REDIC1: variants seen among roughly 807,000 people sequenced by gnomAD.
REDIC1 encodes the protein regulator of DNA class I crossover intermediates 1.
chr12:39,826,854 A>ATTTTTTTTTTTTTTTTTTTT, the REDIC1 span, among the ~76,000 whole-genome samples: 22 of 67,386 alleles, frequency 3.3e-4, 1 homozygote, highest in East Asian at 6.1e-4. Flanking sequence ...GTCTCTTTCA[A>ATTTTTTTTTTTTTTTTTTTT]TTTTTTTTTT....
At chr12:39,802,042 A>G in the REDIC1 span, among the ~76,000 whole-genome samples, 12 of 152,296 alleles carry the variant, frequency 7.9e-5, no homozygotes, top group Non-Finnish European at 1.8e-4. Flanking sequence ...TCATGATGAA[A>G]AAACTACAAA....
the REDIC1 span, among the ~76,000 whole-genome samples, chr12:39,896,275 T>TGTAC: frequency 8.4e-6 from 1 of 118,510 alleles, no homozygotes; most frequent in Admixed American, 8.4e-5. Context: ...TGTATATATG[T>TGTAC]ATACATGTAT....
the REDIC1 span, among the ~76,000 whole-genome samples, chr12:39,767,837 T>C: frequency 6.6e-6 from 1 of 152,062 alleles, no homozygotes; most frequent in Non-Finnish European, 1.5e-5. Flanking sequence ...TTCCCCTTTT[T>C]ACTTGGCACT....
the REDIC1 span, among the ~76,000 whole-genome samples, chr12:39,653,328 G>A: frequency 6.6e-6 from 1 of 151,456 alleles, no homozygotes; most frequent in African/African-American, 2.4e-5. Flanking sequence ...ATTATTCCTC[G>A]GTAGTGTATA....
chr12:39,712,577 A>T, the REDIC1 span, among the ~76,000 whole-genome samples: 5 of 144,614 alleles, frequency 3.5e-5, no homozygotes, highest in Non-Finnish European at 7.6e-5. Context: ...GTATATACGT[A>T]TATATGTATA....
chr12:39,846,153 C>G, the REDIC1 span, among the ~76,000 whole-genome samples: 1 of 152,114 alleles, frequency 6.6e-6, no homozygotes, highest in Non-Finnish European at 1.5e-5. Flanking sequence ...TGCTCACATT[C>G]AGAACCATAT....
the REDIC1 span, among the ~76,000 whole-genome samples, chr12:39,901,657 A>C: frequency 4.0e-4 from 51 of 126,852 alleles, no homozygotes; most frequent in African/African-American, 1.6e-3. Context: ...ATCTCACACC[A>C]GTTAGAATGG....
At chr12:39,711,510 T>C in the REDIC1 span, among the ~76,000 whole-genome samples, 1 of 138,982 alleles carries the variant, frequency 7.2e-6, no homozygotes, top group East Asian at 2.1e-4. Context: ...TGTATATATG[T>C]GTATATATGT....
At chr12:39,753,545 T>C in the REDIC1 span, among the ~76,000 whole-genome samples, 1 of 152,188 alleles carries the variant, frequency 6.6e-6, no homozygotes, top group African/African-American at 2.4e-5. Context: ...GACATCAGGC[T>C]AGTCAGCCAG....
the REDIC1 span, among the ~76,000 whole-genome samples, chr12:39,802,786 T>C: frequency 2.0e-5 from 3 of 152,214 alleles, no homozygotes; most frequent in Non-Finnish European, 4.4e-5. Flanking sequence ...GATATGGATA[T>C]GTAACTATAT....
At chr12:39,664,772 C>A in the REDIC1 span, among the ~76,000 whole-genome samples, 1 of 152,176 alleles carries the variant, frequency 6.6e-6, no homozygotes, top group Non-Finnish European at 1.5e-5. Flanking sequence ...GCCATTCTAA[C>A]TGGTGTGAGA....
At chr12:39,705,352 G>T in the REDIC1 span, among the ~76,000 whole-genome samples, 33 of 152,026 alleles carry the variant, frequency 2.2e-4, no homozygotes, top group African/African-American at 7.7e-4. Context: ...CCTGGGACTT[G>T]AAGGCTTCAC....
the REDIC1 span, among the ~76,000 whole-genome samples, chr12:39,659,359 A>G: frequency 6.6e-6 from 1 of 151,986 alleles, no homozygotes; most frequent in African/African-American, 2.4e-5. Flanking sequence ...ATTTTTATCC[A>G]TTATTTCTTC....
At chr12:39,826,684 T>G in the REDIC1 span, among the ~76,000 whole-genome samples, 7,584 of 151,404 alleles carry the variant, frequency 0.05, 585 homozygotes, top group African/African-American at 0.17. Flanking sequence ...TCCTATGTCA[T>G]TTCTCTAAAA....
the REDIC1 span, among the ~76,000 whole-genome samples, chr12:39,771,026 A>G: frequency 6.6e-6 from 1 of 152,176 alleles, no homozygotes; most frequent in Admixed American, 6.5e-5. Flanking sequence ...TGCTTATGTT[A>G]GAGAACGTAC....
chr12:39,877,791 T>C, the REDIC1 span, among the ~76,000 whole-genome samples: 1 of 152,212 alleles, frequency 6.6e-6, no homozygotes, highest in Non-Finnish European at 1.5e-5. Context: ...TTTGAATTTC[T>C]TCTCAAAAAA....
chr12:39,740,588 A>G, the REDIC1 span, among the ~76,000 whole-genome samples: 46 of 148,162 alleles, frequency 3.1e-4, 1 homozygote, highest in Admixed American at 2.0e-3. Flanking sequence ...TCTTGGGATC[A>G]CTTGCAAGGA....
the REDIC1 span, chr12:39,683,505 G>A: frequency 6.6e-7 from 1 of 1,519,100 alleles, no homozygotes. Flanking sequence ...AGGTAAATCT[G>A]GGGAATACAA....
At chr12:39,899,409 T>C in the REDIC1 span, among the ~76,000 whole-genome samples, 1 of 152,202 alleles carries the variant, frequency 6.6e-6, no homozygotes. Flanking sequence ...CTATCAATTT[T>C]GCTGATCCTT....
Sources: gnomAD v4.1 joint callset for allele counts (sites outside exome capture counted in the v4.1 genomes callset) on GRCh38, gnomAD v4.1.1 for gene constraint, MANE v1.5 for transcripts, NCBI Gene and HGNC (gene_info 2026-07-23, HGNC 2026-07-21) for gene names.